MYH9: variants seen among roughly 807,000 people sequenced by gnomAD.
MYH9 encodes myosin heavy chain 9, also known as myosin-9.
In MYH9, 29 loss-of-function variants were observed where a neutral mutation model predicts 241.9. The ratio of observed to expected loss-of-function variants is 0.12; its 90% CI spans 0.09 to 0.16. MYH9 has a LOEUF of 0.16. Ranked by LOEUF, MYH9 falls within the 10% of genes least tolerant of loss-of-function variation. MYH9 has a pLI of 1.00. For missense variants in MYH9, 1,803 were observed against 2,595.5 expected (o/e 0.69, Z 6.63); for synonymous variants, 1,047 against 1,062.6 (o/e 0.99, Z 0.29).
At chr22:36,298,082 G>T (rs182217413) in intron 24 of MYH9, among the ~76,000 whole-genome samples, 2 of 152,090 alleles carry the variant, frequency 1.3e-5, no homozygotes, top group Non-Finnish European at 1.5e-5. Flanking sequence ...CTCTGTGTCC[G>T]GACCTCTCTT....
chr22:36,348,977 G>A lies in MYH9; in HGVS notation c.260C>T (p.Ala87Val). The A allele has an allele frequency of 6.2e-7, 1 of 1,614,224 alleles. No homozygotes were observed. Among genetic ancestry groups the A allele is most frequent in the Non-Finnish European group, 8.5e-7 (1 of 1,180,042 alleles). Residue 87 changes from alanine (A) to valine (V), a missense_variant, in exon 2 of 41, where the codon GCA becomes GTA. Ala to Val is a moderately conservative substitution (Grantham distance 64, BLOSUM62 0). Around this residue, in one of 11 missense-constraint regions of MYH9, gnomAD observed 72 missense variants for 134.3 expected, o/e 0.54. Coordinates refer to ENST00000216181, the MANE Select transcript of MYH9 (RefSeq NM_002473.6). ...PPKFSKVEDM[A>V]ELTCLNEASV... ...GGCTTCGTTGAGGCACGTGAGCTCTGCCATGTCCTCCACCTTGGAGAACTT... is the reference window on the plus strand; with the variant it reads ...GGCTTCGTTGAGGCACGTGAGCTCTACCATGTCCTCCACCTTGGAGAACTT...
At chr22:36,369,011 G>A (rs564382812) in intron 1 of MYH9, among the ~76,000 whole-genome samples, 2 of 152,186 alleles carry the variant, frequency 1.3e-5, no homozygotes, top group Admixed American at 1.3e-4. Flanking sequence ...CAGCCCCTCT[G>A]TACCACGCTG....
At chr22:36,308,919 C>G (rs2017014859) in intron 15 of MYH9, 1 of 941,604 alleles carries the variant, frequency 1.1e-6, no homozygotes, top group Admixed American at 6.2e-5. Context: ...AAAGGAGAAA[C>G]CAACAGAAAG....
At chr22:36,383,665 A>AGG (rs35424710) in intron 1 of MYH9, among the ~76,000 whole-genome samples, 1,730 of 142,370 alleles carry the variant, frequency 0.012, 24 homozygotes, top group African/African-American at 0.036. Flanking sequence ...TTAAAAAAAA[A>AGG]GGGGGGGGGG....
rs112686138 is a variant in MYH9 at position 36,350,030 on chromosome 22, A to G, written c.-19-775T>C. Among the ~76,000 whole-genome samples, 1,492 of 152,326 alleles carry G rather than the reference A, an allele frequency of 9.8e-3. 21 individuals are homozygous for G. The highest frequency in any genetic ancestry group is 0.034 in the African/African-American group (1,403 of 41,556). On this transcript the variant is annotated intron_variant, in intron 1 of 40. Transcript: ENST00000216181. ...CTAAGACAAGAGAAGAAAATAAAAC[A>G]TCAGTACATGTTGCCACCAGATTTT... is the stretch of plus-strand genomic sequence containing the variant.
intron 31 of MYH9, among the ~76,000 whole-genome samples, chr22:36,290,932 G>A (rs2016685094): frequency 6.6e-6 from 1 of 151,856 alleles, no homozygotes; most frequent in Admixed American, 6.5e-5. Context: ...TCTGAGAGGT[G>A]AGGAGCCCCT....
At chr22:36,327,740 G>A (rs1300680752) in intron 3 of MYH9, among the ~76,000 whole-genome samples, 4 of 152,186 alleles carry the variant, frequency 2.6e-5, no homozygotes, top group Admixed American at 2.6e-4. Context: ...CAGAAAACCA[G>A]AAATAGTTCT....
chr22:36,329,870 CAG>C lies in MYH9; in HGVS notation c.491-2384_491-2383del, dbSNP rs2017395640. On this transcript the variant is annotated intron_variant, in intron 3 of 40. Coordinates refer to ENST00000216181, the MANE Select transcript of MYH9 (RefSeq NM_002473.6). The surrounding 1 kb of genome is among the most constrained non-coding windows in gnomAD (Gnocchi z 4.1). ...GTAGGTGTACAGAGGTACGTGTGCACAGAAATACATGCGCACACACGTGTGCA... is the reference window on the plus strand; with the variant it reads ...GTAGGTGTACAGAGGTACGTGTGCACAAATACATGCGCACACACGTGTGCA... Among the ~76,000 whole-genome samples the C allele has an allele frequency of 6.6e-6, 1 of 152,188 alleles. No individual in the cohort carries two copies. The highest frequency in any genetic ancestry group is 6.5e-5 in the Admixed American group (1 of 15,278).
chr22:36,304,942 A>G (rs2016945141), intron 18 of MYH9, 91 bp downstream of exon 18: 5 of 1,286,888 alleles, frequency 3.9e-6, no homozygotes, highest in Non-Finnish European at 5.6e-6. Flanking sequence ...TCCACCGACC[A>G]CTGATATAGC....
intron 1 of MYH9, among the ~76,000 whole-genome samples, chr22:36,366,982 T>C (rs1387551537): frequency 6.6e-6 from 1 of 152,144 alleles, no homozygotes; most frequent in African/African-American, 2.4e-5. Context: ...TTTGTCTAGG[T>C]CAGTGGTCAA....
rs75583358 is a variant in MYH9 at position 36,314,593 on chromosome 22, T to C, written c.1381-275A>G. Among the ~76,000 whole-genome samples, 348 of 152,338 alleles carry C rather than the reference T, an allele frequency of 2.3e-3. 2 individuals are homozygous for C. Among genetic ancestry groups the C allele is most frequent in the African/African-American group, 7.9e-3 (327 of 41,582 alleles). ...ATCCAATAGATTACAAAGAAAGTAG[T>C]TATTTTGAAATATAATCATCAAAAT... On this transcript the variant is annotated intron_variant, in intron 12 of 40. Transcript: ENST00000216181.
At chr22:36,317,619 C>T (rs1384504939) in intron 11 of MYH9, among the ~76,000 whole-genome samples, 1 of 152,212 alleles carries the variant, frequency 6.6e-6, no homozygotes. Flanking sequence ...GTTTGGCACC[C>T]TAAAAACCCC....
In MYH9 at chr22:36,327,473, G is replaced by A; in HGVS notation, c.506C>T (p.Ser169Phe). Residue 169 changes from serine (S) to phenylalanine (F), a missense_variant, in exon 4 of 41, where the codon TCC becomes TTC. This residue lies in a region of MYH9 where 72 missense variants were observed against 134.3 expected (regional missense o/e 0.54). Coordinates refer to ENST00000216181, the MANE Select transcript of MYH9 (RefSeq NM_002473.6). ...RSMMQDREDQ[S>F]ILCTGESGAG... ...GAGAAATACTTACGTGCACAAGATG[G>A]ATTGATCTTCTCGGTCTGAAACAAA... is the stretch of plus-strand genomic sequence containing the variant. 1 of 1,614,082 alleles carries A rather than the reference G, an allele frequency of 6.2e-7. No individual in the cohort carries two copies. The highest frequency in any genetic ancestry group is 8.5e-7 in the Non-Finnish European group (1 of 1,179,964).
chr22:36,292,316 C>CT, intron 30 of MYH9, 82 bp from the exon 31 acceptor site: 1 of 1,573,990 alleles, frequency 6.4e-7, no homozygotes. Flanking sequence ...AGCTGGGAGC[C>CT]TGCCTGCCAC....
chr22:36,380,310 T>A (rs945782463), intron 1 of MYH9, among the ~76,000 whole-genome samples: 5 of 152,128 alleles, frequency 3.3e-5, no homozygotes, highest in Non-Finnish European at 5.9e-5. Context: ...AAAACACCCC[T>A]CTGATCACAT....
chr22:36,299,372 C>T (rs1293128295), intron 23 of MYH9, among the ~76,000 whole-genome samples: 2 of 152,214 alleles, frequency 1.3e-5, no homozygotes, highest in Non-Finnish European at 2.9e-5. Context: ...TGCCACACGG[C>T]GCTCACCTGC....
chr22:36,327,407 A>C (rs1449037987), intron 4 of MYH9, 54 bp downstream of exon 4: 1 of 1,609,294 alleles, frequency 6.2e-7, no homozygotes, highest in African/African-American at 1.3e-5. Flanking sequence ...AGACCTCAAG[A>C]ATGAGAACAG....
intron 23 of MYH9, among the ~76,000 whole-genome samples, chr22:36,299,747 G>A (rs549435661): frequency 6.6e-5 from 10 of 152,300 alleles, no homozygotes; most frequent in South Asian, 4.1e-4. Context: ...AATAGCTGCC[G>A]CCCAGGGACA....
Position 36,285,591 on chromosome 22 carries a change from G to GT in MYH9, c.5274+66dup, listed in dbSNP as rs1411532788. 4.4e-6 allele frequency: 7 copies of GT among 1,604,700 alleles called. No individual in the cohort carries two copies. The highest frequency in any genetic ancestry group is 4.2e-6 in the Non-Finnish European group (5 of 1,178,472). On this transcript the variant is annotated intron_variant, in intron 37 of 40. Coordinates refer to ENST00000216181, the MANE Select transcript of MYH9 (RefSeq NM_002473.6). The surrounding 1 kb of genome is among the most constrained non-coding windows in gnomAD (Gnocchi z 7.0). Reference sequence around the variant, plus strand: ...CTTGGCCTGTGCTTCTGCCGGCTGGGTCCAAGGCCAGCTCTGCCGTGGTGG... The same window carrying GT: ...CTTGGCCTGTGCTTCTGCCGGCTGGGTTCCAAGGCCAGCTCTGCCGTGGTGG...
Sources: allele counts gnomAD v4.1 joint callset (sites outside exome capture counted in the v4.1 genomes callset), GRCh38; gene constraint gnomAD v4.1.1; regional missense constraint gnomAD v4.1.1; non-coding constraint Gnocchi (gnomAD v3.1); transcripts MANE v1.5; gene names NCBI Gene and HGNC (gene_info 2026-07-23, HGNC 2026-07-21).